HDDC2: variants seen among roughly 807,000 people sequenced by gnomAD.
HDDC2 encodes the protein 5'-deoxynucleotidase HDDC2.
Under a neutral mutation model 25.5 loss-of-function variants are expected in HDDC2, and 25 were observed. That is an observed-to-expected ratio of 0.98 (90% CI 0.72 to 1.37). The LOEUF is 1.37. Among genes scored for constraint, HDDC2 ranks in the 40% most tolerant of loss-of-function variants. HDDC2 has a pLI of 0.00. For synonymous variants in HDDC2, 106 were observed against 89.7 expected, an observed-to-expected ratio of 1.18 and a Z score of -1.03; for missense variants, 264 against 253.1, an observed-to-expected ratio of 1.04 and a Z score of -0.29.
chr6:125,286,283 G>A (rs1180636269), intron 4 of HDDC2, among the ~76,000 whole-genome samples: 1 of 152,198 alleles, frequency 6.6e-6, no homozygotes, highest in Non-Finnish European at 1.5e-5. Context: ...AAAGGTCATA[G>A]TGTGAAATGG....
intron 4 of HDDC2, among the ~76,000 whole-genome samples, chr6:125,282,127 T>C (rs1798468113): frequency 6.6e-6 from 1 of 151,950 alleles, no homozygotes; most frequent in Non-Finnish European, 1.5e-5. Context: ...GGGCAGATCA[T>C]CTGAGGTCAG....
intron 4 of HDDC2, among the ~76,000 whole-genome samples, chr6:125,290,100 AACCAATCAACTG>A (rs1299707385): frequency 2.6e-5 from 4 of 152,022 alleles, no homozygotes; most frequent in Non-Finnish European, 5.9e-5. Context: ...GCATTTCTAA[AACCAATCAACTG>A]TCATTTTCTA....
In HDDC2 at chr6:125,276,229, G is replaced by T; in HGVS notation, c.532C>A (p.Pro178Thr). The change falls in exon 6 of 6, where the codon CCT becomes ACT. Residue 178 changes from proline to threonine, a missense_variant. Transcript: ENST00000398153. ...TCAGAAACAAGCTGGACTATCTCAGGGTGATTGAATTTTCCTGCAAAGCAA... is the reference window on the plus strand; with the variant it reads ...TCAGAAACAAGCTGGACTATCTCAGTGTGATTGAATTTTCCTGCAAAGCAA... ...YDSTAGKFNH[P>T]EIVQLVSELE... The T allele has an allele frequency of 6.2e-7, 1 of 1,613,858 alleles. No homozygotes were observed. The highest frequency in any genetic ancestry group is 8.5e-7 in the Non-Finnish European group (1 of 1,179,792).
At chr6:125,280,646 G>T (rs557671085) in intron 4 of HDDC2, among the ~76,000 whole-genome samples, 2 of 152,230 alleles carry the variant, frequency 1.3e-5, no homozygotes, top group African/African-American at 2.4e-5. Context: ...CAAAGCCGCC[G>T]TAGCAAGACT....
chr6:125,298,544 C>T, intron 3 of HDDC2, 170 bp downstream of exon 3: 1 of 614,558 alleles, frequency 1.6e-6, no homozygotes, highest in Non-Finnish European at 2.9e-6. Context: ...TTCTCCAGCC[C>T]AGGCCCTGAA....
At chr6:125,281,646 A>G (rs928857926) in intron 4 of HDDC2, among the ~76,000 whole-genome samples, 2 of 152,156 alleles carry the variant, frequency 1.3e-5, no homozygotes, top group Non-Finnish European at 2.9e-5. Context: ...AAGTGTGAAG[A>G]CAAGATTAAA....
chr6:125,293,276 G>A (rs1201451026), intron 3 of HDDC2: 7 of 294,654 alleles, frequency 2.4e-5, no homozygotes, highest in Non-Finnish European at 4.7e-5. Flanking sequence ...ATAAGCATAT[G>A]AGAGTTCAAA....
chr6:125,295,920 T>C (rs1456974396), intron 3 of HDDC2, among the ~76,000 whole-genome samples: 1 of 152,184 alleles, frequency 6.6e-6, no homozygotes, highest in Admixed American at 6.5e-5. Context: ...TGTATGTTAA[T>C]ATGTTTAGGA....
intron 4 of HDDC2, among the ~76,000 whole-genome samples, chr6:125,280,467 C>T (rs569652433): frequency 3.0e-4 from 46 of 152,314 alleles, no homozygotes; most frequent in African/African-American, 1.0e-3. Context: ...TCCACAGAGC[C>T]CAGCAAGCTA....
chr6:125,300,484 T>C, intron 2 of HDDC2, 54 bp downstream of exon 2: 6 of 1,579,334 alleles, frequency 3.8e-6, no homozygotes, highest in Non-Finnish European at 5.2e-6. Context: ...TAAAAACGGG[T>C]GCACACCCAT....
Position 125,299,787 on chromosome 6 carries a change from T to A in HDDC2, c.206+751A>T, listed in dbSNP as rs987001582. Among the ~76,000 whole-genome samples the A allele has an allele frequency of 2.0e-5, 3 of 152,330 alleles. No individual in the cohort carries two copies. In the East Asian group the frequency reaches 5.8e-4, roughly 29 times the overall value. ...AACTCTTTGCTGCAGTCAAGTTGAT[T>A]AATTTCTCATTTGCAAAATACTCCT... On this transcript the variant is annotated intron_variant, in intron 2 of 5. Transcript: ENST00000398153.
At chr6:125,300,310 CT>C (rs1798775437) in intron 2 of HDDC2, 6 of 496,136 alleles carry the variant, frequency 1.2e-5, no homozygotes, top group Admixed American at 3.8e-5. Flanking sequence ...TAAGTTTCCC[CT>C]GATACCCTAG....
At chr6:125,283,350 C>A (rs967906232) in intron 4 of HDDC2, among the ~76,000 whole-genome samples, 3 of 152,124 alleles carry the variant, frequency 2.0e-5, no homozygotes, top group African/African-American at 7.2e-5. Flanking sequence ...AAAGAGTATT[C>A]AAATAGGAAG....
Position 125,286,224 on chromosome 6 carries a change from A to G in HDDC2, c.378+6617T>C, listed in dbSNP as rs185928398. Among the ~76,000 whole-genome samples, 307 of 152,374 alleles carry G rather than the reference A, an allele frequency of 2.0e-3. 1 individual carries two copies. The highest frequency in any genetic ancestry group is 3.4e-3 in the Non-Finnish European group (228 of 68,034). On this transcript the variant is annotated intron_variant, in intron 4 of 5. Transcript: ENST00000398153. ...ACTGACATAAGGACTGGTGATAAAC[A>G]TAACTATATGGTTACTTGTAGAAGT...
intron 2 of HDDC2, among the ~76,000 whole-genome samples, chr6:125,299,647 T>C (rs1240302550): frequency 2.6e-5 from 4 of 152,318 alleles, no homozygotes; most frequent in Non-Finnish European, 5.9e-5. Flanking sequence ...AATCCCAGAC[T>C]ACTCCAAACT....
chr6:125,301,196 A>C (rs1045498468), intron 1 of HDDC2, among the ~76,000 whole-genome samples: 1 of 152,158 alleles, frequency 6.6e-6, no homozygotes, highest in Non-Finnish European at 1.5e-5. Flanking sequence ...TACATCTCTA[A>C]GGAATGTTAT....
At chr6:125,300,240 T>G (rs916803227) in intron 2 of HDDC2, 13 of 331,694 alleles carry the variant, frequency 3.9e-5, no homozygotes, top group Middle Eastern at 1.8e-3. Context: ...CACAGTGTAC[T>G]AATACAATGC....
chr6:125,294,224 T>C (rs1554221841), intron 3 of HDDC2, among the ~76,000 whole-genome samples: 1 of 152,180 alleles, frequency 6.6e-6, no homozygotes, highest in Non-Finnish European at 1.5e-5. Flanking sequence ...TAAAATAAAA[T>C]AGTGAGTTGC....
In HDDC2 at chr6:125,300,671, G is replaced by T; in HGVS notation, c.85-12C>A. On this transcript the variant is annotated splice_polypyrimidine_tract_variant and intron_variant, in intron 1 of 5. Transcript: ENST00000398153. ...GTTCGTGGGACTCTCTGATAAATATGAAGAAGAAAAAGAAGTTTTAAAGAA... is the reference window on the plus strand; with the variant it reads ...GTTCGTGGGACTCTCTGATAAATATTAAGAAGAAAAAGAAGTTTTAAAGAA... 1 of 1,607,806 alleles carries T rather than the reference G, an allele frequency of 6.2e-7. No individual in the cohort carries two copies. The highest frequency in any genetic ancestry group is 8.5e-7 in the Non-Finnish European group (1 of 1,178,296).
Sources: gnomAD v4.1 joint callset for allele counts (sites outside exome capture counted in the v4.1 genomes callset) on GRCh38, gnomAD v4.1.1 for gene constraint, MANE v1.5 for transcripts, NCBI Gene and HGNC (gene_info 2026-07-23, HGNC 2026-07-21) for gene names.